ANK2: variants seen among roughly 807,000 people sequenced by gnomAD.
ANK2 encodes the protein ankyrin-2.
In ANK2, 83 loss-of-function variants were observed where a neutral mutation model predicts 360.5. That is an observed-to-expected ratio of 0.23 (90% CI 0.19 to 0.28). The LOEUF is 0.28. Among genes scored for constraint, ANK2 ranks in the 10% least tolerant of loss-of-function variants. The pLI is 1.00. For synonymous variants in ANK2, 1,740 were observed against 1,759.5 expected (o/e 0.99, Z 0.28); for missense variants, 4,201 against 4,795.7 (o/e 0.88, Z 3.66).
At chr4:113,076,063 C>A (rs1176005803) in intron 1 of ANK2, among the ~76,000 whole-genome samples, 1 of 152,160 alleles carries the variant, frequency 6.6e-6, no homozygotes, top group Non-Finnish European at 1.5e-5. Context: ...AAGAATACTA[C>A]ATTTTGAGAA....
intron 1 of ANK2, among the ~76,000 whole-genome samples, chr4:113,072,717 TC>T (rs1253585924): frequency 6.7e-6 from 1 of 150,266 alleles, no homozygotes; most frequent in African/African-American, 2.5e-5. Context: ...GATGACTTTT[TC>T]CCTTAAAATA....
At chr4:113,072,151 C>A (rs2077818250) in intron 1 of ANK2, among the ~76,000 whole-genome samples, 1 of 152,214 alleles carries the variant, frequency 6.6e-6, no homozygotes, top group Non-Finnish European at 1.5e-5. Context: ...TCTAAAAACT[C>A]AGCCCTCCAC....
intron 26 of ANK2, among the ~76,000 whole-genome samples, chr4:113,324,695 G>A (rs2088746901): frequency 6.6e-6 from 1 of 152,134 alleles, no homozygotes; most frequent in Non-Finnish European, 1.5e-5. Flanking sequence ...GAATTACAGA[G>A]GAGAAAGAGC....
At chr4:112,983,923 A>G (rs1290117373) in intron 2 of ANK2, among the ~76,000 whole-genome samples, 2 of 152,196 alleles carry the variant, frequency 1.3e-5, no homozygotes, top group Non-Finnish European at 1.5e-5. Flanking sequence ...TCAATATTTT[A>G]CTGTTAGATG....
At chr4:112,791,336 T>C in the ANK2 span, among the ~76,000 whole-genome samples, 3 of 152,280 alleles carry the variant, frequency 2.0e-5, no homozygotes, top group Middle Eastern at 0.01. Flanking sequence ...AAGGTAAAGC[T>C]GTAGATTTTT....
At chr4:113,123,936 T>A (rs897312946) in intron 1 of ANK2, among the ~76,000 whole-genome samples, 1 of 152,164 alleles carries the variant, frequency 6.6e-6, no homozygotes, top group African/African-American at 2.4e-5. Context: ...ATAAGACTAA[T>A]TGGTTTATGT....
chr4:113,145,539 C>A, intron 1 of ANK2: 1 of 973,474 alleles, frequency 1.0e-6, no homozygotes, highest in Non-Finnish European at 1.2e-6. Context: ...CAAAACAACA[C>A]CGCCCCCTCC....
At chr4:113,282,066 A>AAGTAC (rs1341186807) in intron 17 of ANK2, among the ~76,000 whole-genome samples, 1 of 152,202 alleles carries the variant, frequency 6.6e-6, no homozygotes, top group African/African-American at 2.4e-5. Context: ...AACCAGTTTA[A>AAGTAC]AGTACAATCC....
intron 2 of ANK2, among the ~76,000 whole-genome samples, chr4:112,926,814 TC>T (rs1370076292): frequency 6.6e-6 from 1 of 152,246 alleles, no homozygotes; most frequent in Non-Finnish European, 1.5e-5. Context: ...CAAAATCGTT[TC>T]AGTATTTAGC....
In ANK2 at chr4:113,093,360, T is replaced by TTTTA. The variant is rs772081186; in HGVS notation, c.84+43563_84+43566dup. On this transcript the variant is annotated intron_variant, in intron 1 of 45. Transcript: ENST00000357077. ...GTTCCTTTTTGTGTATTTATATTTA[T>TTTTA]TTTATTTATTTATTTATTCGAGATG... Among the ~76,000 whole-genome samples the TTTTA allele has an allele frequency of 1.3e-4, 20 of 152,238 alleles. No individual in the cohort carries two copies. In the East Asian group the frequency reaches 2.5e-3, roughly 19 times the overall value.
chr4:112,891,386 A>G (rs904592987), intron 1 of ANK2, among the ~76,000 whole-genome samples: 1 of 152,170 alleles, frequency 6.6e-6, no homozygotes, highest in Non-Finnish European at 1.5e-5. Context: ...TTTTTATTGG[A>G]GACAGGGTGA....
the ANK2 span, among the ~76,000 whole-genome samples, chr4:112,801,435 A>G: frequency 6.6e-6 from 1 of 152,204 alleles, no homozygotes; most frequent in African/African-American, 2.4e-5. Flanking sequence ...TGATAATACA[A>G]AGGTGAACTG....
At chr4:113,026,142 G>A (rs1484066980) in intron 2 of ANK2, among the ~76,000 whole-genome samples, 1 of 152,130 alleles carries the variant, frequency 6.6e-6, no homozygotes, top group African/African-American at 2.4e-5. Context: ...CGGACACTTG[G>A]GACCTGCTAT....
At chr4:112,959,559 A>G (rs1164383945) in intron 2 of ANK2, among the ~76,000 whole-genome samples, 1 of 152,242 alleles carries the variant, frequency 6.6e-6, no homozygotes, top group Non-Finnish European at 1.5e-5. Context: ...AAACACTCAC[A>G]TGTGATAGGT....
the ANK2 span, among the ~76,000 whole-genome samples, chr4:112,737,786 T>C: frequency 4.6e-5 from 7 of 152,184 alleles, no homozygotes; most frequent in African/African-American, 1.7e-4. Flanking sequence ...AGTTGGACTA[T>C]GTATGTTAGG....
At chr4:113,204,565 A>T (rs2098916254) in intron 4 of ANK2, among the ~76,000 whole-genome samples, 1 of 152,218 alleles carries the variant, frequency 6.6e-6, no homozygotes, top group East Asian at 1.9e-4. Flanking sequence ...ATTTATAATT[A>T]TGTGAATCAA....
At chr4:113,046,834 T>C (rs1054172848), upstream of ANK2, among the ~76,000 whole-genome samples, 3 of 152,186 alleles carry the variant, frequency 2.0e-5, no homozygotes, top group African/African-American at 7.2e-5. Context: ...TATGTTTGAA[T>C]GTTGACAGAG....
At chr4:113,150,932 G>A in intron 1 of ANK2, 2 of 505,880 alleles carry the variant, frequency 4.0e-6, no homozygotes, top group Non-Finnish European at 6.3e-6. Context: ...CAATTAGGTT[G>A]TAGTCTGCAT....
At chr4:113,199,171 G>T in intron 4 of ANK2, 62 bp downstream of exon 4, 1 of 1,313,944 alleles carries the variant, frequency 7.6e-7, no homozygotes, top group South Asian at 1.2e-5. Flanking sequence ...TTGTGAAATT[G>T]ATTTAATGTG....
Sources: allele counts gnomAD v4.1 joint callset (sites outside exome capture counted in the v4.1 genomes callset), GRCh38; gene constraint gnomAD v4.1.1; transcripts MANE v1.5; gene names NCBI Gene and HGNC (gene_info 2026-07-23, HGNC 2026-07-21).